The following PPFIA2 variants were observed in gnomAD, a reference collection of about 807,000 sequenced individuals.
PPFIA2 encodes PPFI scaffold protein A2.
A neutral mutation model predicts 175.5 loss-of-function variants in PPFIA2; 46 were observed. That is an observed-to-expected ratio of 0.26 (90% confidence interval 0.21 to 0.34). PPFIA2 has a LOEUF of 0.34. PPFIA2 is among the 10% of genes least tolerant of loss of function. PPFIA2 has a pLI of 1.00. For missense variants in PPFIA2, 1,179 were observed against 1,506.1 expected (o/e 0.78, Z 3.60); for synonymous variants, 568 against 511.4 (o/e 1.11, Z -1.49).
chr12:81,328,945 A>C (rs983341128), intron 21 of PPFIA2, among the ~76,000 whole-genome samples: 5 of 151,574 alleles, frequency 3.3e-5, no homozygotes, highest in Non-Finnish European at 7.4e-5. Flanking sequence ...CTGGGACTAT[A>C]GATGTGTGCC....
intron 7 of PPFIA2, among the ~76,000 whole-genome samples, chr12:81,422,065 C>CGT (rs951778104): frequency 2.2e-4 from 29 of 132,800 alleles, no homozygotes; most frequent in Non-Finnish European, 3.6e-4. Context: ...TATATATATA[C>CGT]GTGTGTGTGT....
At chr12:81,290,177 C>T (rs10862283) in intron 24 of PPFIA2, among the ~76,000 whole-genome samples, 134,892 of 151,460 alleles carry the variant, frequency 0.89, 61,862 homozygotes, top group Non-Finnish European at 0.99. Context: ...GGAACCCAAG[C>T]CCAAACCTCA....
chr12:81,642,724 CATACATGTATATGTATGTATGT>C lies in PPFIA2; in HGVS notation c.303+34045_303+34066del, dbSNP rs2065303626. On this transcript the variant is annotated intron_variant, in intron 4 of 32. Coordinates refer to ENST00000549396, the MANE Select transcript of PPFIA2 (RefSeq NM_003625.5). Reference sequence around the variant, plus strand: ...TGTATATGTATGTATGTATTATATACATACATGTATATGTATGTATGTATTATATACATACATGTATATGTAT... The same window carrying C: ...TGTATATGTATGTATGTATTATATACATTATATACATACATGTATATGTAT... Among the ~76,000 whole-genome samples the C allele has an allele frequency of 3.7e-5, 4 of 107,182 alleles. 2 individuals are homozygous for C. The highest frequency in any genetic ancestry group is 1.4e-4 in the African/African-American group (4 of 28,500). The allele number at this position is 107,182 out of a possible 152,430, so 70.3% of individuals were successfully genotyped here.
At chr12:81,655,373 G>A (rs1432427856) in intron 4 of PPFIA2, among the ~76,000 whole-genome samples, 1 of 150,970 alleles carries the variant, frequency 6.6e-6, no homozygotes, top group Non-Finnish European at 1.5e-5. Flanking sequence ...TAGGTTCTTA[G>A]ATTAAATGTT....
chr12:81,641,629 G>A lies in PPFIA2; in HGVS notation c.303+35162C>T, dbSNP rs116371406. Among the ~76,000 whole-genome samples, 624 of 152,140 alleles carry A rather than the reference G, an allele frequency of 4.1e-3. 3 individuals carry two copies. Among genetic ancestry groups the A allele is most frequent in the African/African-American group, 0.014 (581 of 41,516 alleles). On this transcript the variant is annotated intron_variant, in intron 4 of 32. Coordinates refer to ENST00000549396, the MANE Select transcript of PPFIA2 (RefSeq NM_003625.5). Reference sequence around the variant, plus strand: ...GAAGGACCCCACAATATGATGAGTCGTCTCAGCTGAACCATTTTAGAACAG... The same window carrying A: ...GAAGGACCCCACAATATGATGAGTCATCTCAGCTGAACCATTTTAGAACAG...
At chr12:81,271,478 C>T (rs1290340214) in intron 28 of PPFIA2, among the ~76,000 whole-genome samples, 1 of 152,190 alleles carries the variant, frequency 6.6e-6, no homozygotes, top group Non-Finnish European at 1.5e-5. Context: ...CCATGTTAGT[C>T]AGGCTGGTCT....
chr12:81,585,020 A>T (rs1478641634), intron 4 of PPFIA2, among the ~76,000 whole-genome samples: 2 of 92,880 alleles, frequency 2.2e-5, no homozygotes, highest in African/African-American at 4.0e-5. Context: ...ATTTATATAT[A>T]ATATATTAAT....
At chr12:81,648,557 T>C (rs1425235980) in intron 4 of PPFIA2, among the ~76,000 whole-genome samples, 1 of 152,032 alleles carries the variant, frequency 6.6e-6, no homozygotes, top group African/African-American at 2.4e-5. Context: ...GGGTAAGATA[T>C]CAATTCTCCT....
At chr12:81,287,729 C>T (rs1397102274) in intron 24 of PPFIA2, among the ~76,000 whole-genome samples, 4 of 151,988 alleles carry the variant, frequency 2.6e-5, no homozygotes, top group Middle Eastern at 6.8e-3. Context: ...CATCTAAGTA[C>T]ATTGTGACGG....
At chr12:81,436,887 A>G (rs1050246085) in intron 7 of PPFIA2, among the ~76,000 whole-genome samples, 2 of 152,190 alleles carry the variant, frequency 1.3e-5, no homozygotes, top group Admixed American at 6.5e-5. Flanking sequence ...TCAACAACAA[A>G]ACCAAAATGG....
At chr12:81,468,360 C>T (rs1014114271) in intron 4 of PPFIA2, among the ~76,000 whole-genome samples, 3 of 152,162 alleles carry the variant, frequency 2.0e-5, no homozygotes, top group African/African-American at 7.2e-5. Flanking sequence ...TTAGTACAAT[C>T]ACCAGGCCCA....
At chr12:81,436,163 C>G (rs940426426) in intron 7 of PPFIA2, among the ~76,000 whole-genome samples, 10 of 150,836 alleles carry the variant, frequency 6.6e-5, no homozygotes, top group African/African-American at 2.2e-4. Context: ...CAACTGTAGT[C>G]CCAGCTACTC....
chr12:81,401,769 A>G (rs767495329), intron 8 of PPFIA2, among the ~76,000 whole-genome samples: 2 of 152,160 alleles, frequency 1.3e-5, no homozygotes, highest in African/African-American at 4.8e-5. Flanking sequence ...TTTAAAATTC[A>G]CCAATTAACT....
At chr12:81,366,266 A>G (rs1012557848) in intron 14 of PPFIA2, among the ~76,000 whole-genome samples, 2 of 151,622 alleles carry the variant, frequency 1.3e-5, no homozygotes, top group Admixed American at 1.3e-4. Context: ...AAATACTATT[A>G]GCAATTACCA....
At chr12:81,748,984 T>C (rs2083405253) in intron 3 of PPFIA2, among the ~76,000 whole-genome samples, 1 of 144,466 alleles carries the variant, frequency 6.9e-6, no homozygotes, top group African/African-American at 2.4e-5. Context: ...TTTTTCATTA[T>C]TGATTGCTAT....
chr12:81,426,915 T>C (rs986186543), intron 7 of PPFIA2, among the ~76,000 whole-genome samples: 2 of 152,290 alleles, frequency 1.3e-5, no homozygotes, highest in Admixed American at 6.5e-5. Flanking sequence ...TACTGTGATA[T>C]AATAATCAAA....
intron 4 of PPFIA2, among the ~76,000 whole-genome samples, chr12:81,462,570 G>GTATATATATATATACATATATATA (rs1555402455): frequency 1.3e-4 from 10 of 74,182 alleles, no homozygotes; most frequent in East Asian, 4.1e-4. Flanking sequence ...ATATATATGT[G>GTATATATATATATACATATATATA]TATATATATA....
intron 3 of PPFIA2, among the ~76,000 whole-genome samples, chr12:81,684,642 A>G (rs529464841): frequency 6.6e-6 from 1 of 152,132 alleles, no homozygotes; most frequent in Admixed American, 6.6e-5. Context: ...ATCTTTATAA[A>G]ATGCCTGAGT....
chr12:81,467,609 G>T (rs531213477), intron 4 of PPFIA2, among the ~76,000 whole-genome samples: 17 of 152,164 alleles, frequency 1.1e-4, no homozygotes, highest in Non-Finnish European at 2.1e-4. Context: ...ATGACACCAT[G>T]TCATGTCAGT....
Sources: gnomAD v4.1 joint callset for allele counts (sites outside exome capture counted in the v4.1 genomes callset) on GRCh38, gnomAD v4.1.1 for gene constraint, MANE v1.5 for transcripts, NCBI Gene and HGNC (gene_info 2026-07-23, HGNC 2026-07-21) for gene names.